Variants in OTOGL observed in about 807,000 individuals in gnomAD.
OTOGL encodes otogelin like, also known as otogelin-like protein.
OTOGL carries 285 observed loss-of-function variants against 318.5 expected under a neutral mutation model. That is an observed-to-expected ratio of 0.89 (90% CI 0.81 to 0.99). OTOGL has a LOEUF of 0.99. Among genes scored for constraint, OTOGL ranks in the 50% least tolerant of loss-of-function variants. The pLI is 0.00. For synonymous variants in OTOGL, 987 were observed against 936.5 expected, an observed-to-expected ratio of 1.05 and a Z score of -0.99; for missense variants, 2,899 against 2,845.6, an observed-to-expected ratio of 1.02 and a Z score of -0.43.
At chr12:80,191,049 A>G (rs1018728779) in intron 1 of OTOGL, among the ~76,000 whole-genome samples, 23 of 152,308 alleles carry the variant, frequency 1.5e-4, no homozygotes, top group African/African-American at 5.5e-4. Context: ...AGTGTAACCC[A>G]TAGGCCTTAG....
intron 4 of OTOGL, among the ~76,000 whole-genome samples, chr12:80,216,241 A>G (rs1039814368): frequency 2.0e-5 from 3 of 152,204 alleles, no homozygotes; most frequent in African/African-American, 7.2e-5. Flanking sequence ...CGTAAGGGAG[A>G]CTAGAATCTG....
intron 1 of OTOGL, among the ~76,000 whole-genome samples, chr12:80,130,072 G>T (rs1325261812): frequency 6.6e-6 from 1 of 151,230 alleles, no homozygotes; most frequent in Non-Finnish European, 1.5e-5. Context: ...TACCACCCTT[G>T]TCCAAGTCTA....
At chr12:80,192,595 G>T (rs535901919) in intron 1 of OTOGL, among the ~76,000 whole-genome samples, 1 of 152,346 alleles carries the variant, frequency 6.6e-6, no homozygotes, top group Admixed American at 6.5e-5. Flanking sequence ...TCTCCAAGAT[G>T]CTGTGAAGCA....
chr12:80,105,359 C>T (rs1249743820), intron 1 of OTOGL, among the ~76,000 whole-genome samples: 1 of 152,060 alleles, frequency 6.6e-6, no homozygotes, highest in African/African-American at 2.4e-5. Context: ...AAAATTAAGG[C>T]CCAAAGAAGT....
At chr12:80,338,936 G>A (rs569229372) in intron 42 of OTOGL, 139 bp from the exon 43 acceptor site, 29 of 699,686 alleles carry the variant, frequency 4.1e-5, no homozygotes, top group Admixed American at 1.3e-4. Flanking sequence ...CTGAGAAGCT[G>A]TGGCAGCAGT....
rs759442037 is a variant in OTOGL, at chr12:80,310,593, C to T, written c.3334-18C>T. Reference sequence around the variant, plus strand: ...GTCCCTTTGAAAACTTCTTTTCTCTCTTAAATTTTTTCAACAGTGTGAAAG... The same window carrying T: ...GTCCCTTTGAAAACTTCTTTTCTCTTTTAAATTTTTTCAACAGTGTGAAAG... On this transcript the variant is annotated intron_variant, in intron 29 of 58. Coordinates refer to ENST00000547103, the MANE Select transcript of OTOGL (RefSeq NM_001378609.3). 7 of 1,528,978 alleles carry T rather than the reference C, an allele frequency of 4.6e-6. No individual in the cohort carries two copies. The highest frequency in any genetic ancestry group is 2.2e-5 in the East Asian group (1 of 44,508). The allele number at this position is 1,528,978 out of a possible 1,614,324, so 94.7% of individuals were successfully genotyped here. A position where few individuals can be genotyped will look rare whatever the true frequency, so the allele number is the denominator to read the frequency against.
intron 37 of OTOGL, among the ~76,000 whole-genome samples, chr12:80,332,480 A>T (rs576850442): frequency 6.6e-6 from 1 of 152,132 alleles, no homozygotes; most frequent in South Asian, 2.1e-4. Context: ...TACCAATCAC[A>T]TCTCCCTTTT....
intron 1 of OTOGL, among the ~76,000 whole-genome samples, chr12:80,134,515 C>G (rs540252798): frequency 6.6e-6 from 1 of 152,262 alleles, no homozygotes; most frequent in East Asian, 1.9e-4. Context: ...TTTTGGTATC[C>G]TCCACTCACA....
chr12:80,304,195 A>C (rs1046918225), intron 28 of OTOGL, among the ~76,000 whole-genome samples: 9 of 152,172 alleles, frequency 5.9e-5, no homozygotes, highest in Non-Finnish European at 8.8e-5. Context: ...TGGATGTACC[A>C]CACAATTTAT....
At chr12:80,143,392 C>T (rs1872081658) in intron 1 of OTOGL, among the ~76,000 whole-genome samples, 1 of 152,072 alleles carries the variant, frequency 6.6e-6, no homozygotes, top group Non-Finnish European at 1.5e-5. Context: ...CCCCTCAAAT[C>T]ACAGCCTAAA....
Position 80,247,202 on chromosome 12 carries a change from T to C in OTOGL, c.1053-4491T>C, listed in dbSNP as rs1268813480. Among the ~76,000 whole-genome samples, 35 of 148,936 alleles carry C rather than the reference T, an allele frequency of 2.3e-4. 1 individual carries two copies. Among genetic ancestry groups the C allele is most frequent in the African/African-American group, 8.0e-4 (31 of 38,742 alleles). On this transcript the variant is annotated intron_variant, in intron 11 of 58. Coordinates refer to ENST00000547103, the MANE Select transcript of OTOGL (RefSeq NM_001378609.3). Reference sequence around the variant, plus strand: ...GATTTTAGTTATTTCTTGCCTTCTGTTAGCTTTTGAATGTGTTTGCTCTTG... The same window carrying C: ...GATTTTAGTTATTTCTTGCCTTCTGCTAGCTTTTGAATGTGTTTGCTCTTG...
intron 39 of OTOGL, 69 bp downstream of exon 39, chr12:80,336,209 T>G (rs915191687): frequency 1.4e-6 from 2 of 1,446,720 alleles, no homozygotes; most frequent in Admixed American, 2.8e-5. Context: ...GTTACTTTTT[T>G]GAACCTTTCA....
chr12:80,360,364 C>A (rs1479583659), intron 52 of OTOGL, among the ~76,000 whole-genome samples: 1 of 128,504 alleles, frequency 7.8e-6, no homozygotes, highest in Non-Finnish European at 1.7e-5. Context: ...CTCCCTCTCA[C>A]TCCCCCTCTC....
intron 54 of OTOGL, 81 bp downstream of exon 54, chr12:80,367,820 A>T: frequency 9.8e-6 from 9 of 917,216 alleles, no homozygotes; most frequent in African/African-American, 1.8e-5. Flanking sequence ...AATGGTGAAT[A>T]CTCCATTAGT....
In OTOGL at chr12:80,307,307, T is replaced by C. The variant is rs1156726306; in HGVS notation, c.3333+1612T>C. Among the ~76,000 whole-genome samples, 8 of 151,930 alleles carry C rather than the reference T, an allele frequency of 5.3e-5. No individual in the cohort carries two copies. The East Asian group carries it at 5.8e-4, about 11-fold the overall frequency. On this transcript the variant is annotated intron_variant, in intron 29 of 58. Transcript: ENST00000547103. Reference sequence around the variant, plus strand: ...CCGCCATTGTCATCATGGCCCGTTCTCAATGAGCTGTTGGGTACACCTCCC... The same window carrying C: ...CCGCCATTGTCATCATGGCCCGTTCCCAATGAGCTGTTGGGTACACCTCCC...
In OTOGL at chr12:80,282,533, A is replaced by AT. The variant is rs1177932520; in HGVS notation, c.2928+3378dup. On this transcript the variant is annotated intron_variant, in intron 26 of 58. Coordinates refer to ENST00000547103, the MANE Select transcript of OTOGL (RefSeq NM_001378609.3). ...ACGGATGGTAAGTTGCCTATAGGGTATTTTTTTTTTTGTCTTGTGTTGTTT... is the reference window on the plus strand; with the variant it reads ...ACGGATGGTAAGTTGCCTATAGGGTATTTTTTTTTTTTGTCTTGTGTTGTTT... Among the ~76,000 whole-genome samples, 667 of 142,522 alleles carry AT rather than the reference A, an allele frequency of 4.7e-3. 1 individual carries two copies. The highest frequency in any genetic ancestry group is 7.1e-3 in the Middle Eastern group (2 of 280). The allele number at this position is 142,522 out of a possible 152,430, so 93.5% of individuals were successfully genotyped here.
chr12:80,373,859 T>G (rs921155010), intron 57 of OTOGL, among the ~76,000 whole-genome samples: 1 of 152,072 alleles, frequency 6.6e-6, no homozygotes, highest in African/African-American at 2.4e-5. Flanking sequence ...CTCTTCATGG[T>G]ATTCTGGAAC....
At chr12:80,302,518 C>A in intron 27 of OTOGL, 116 bp from the exon 28 acceptor site, 1 of 632,738 alleles carries the variant, frequency 1.6e-6, no homozygotes, top group Non-Finnish European at 2.3e-6. Flanking sequence ...AAGGCATGAC[C>A]ATGCAACAAT....
intron 6 of OTOGL, among the ~76,000 whole-genome samples, chr12:80,221,810 T>C (rs1437503288): frequency 1.7e-4 from 26 of 152,210 alleles, no homozygotes; most frequent in Non-Finnish European, 1.5e-5. Context: ...TTATTTTCCA[T>C]ACTCCTTTTT....
Sources: allele counts gnomAD v4.1 joint callset (sites outside exome capture counted in the v4.1 genomes callset), GRCh38; gene constraint gnomAD v4.1.1; transcripts MANE v1.5; gene names NCBI Gene and HGNC (gene_info 2026-07-23, HGNC 2026-07-21).